Variants in PVT1 observed in about 807,000 individuals in gnomAD.
The protein encoded by PVT1 is CXCR4/PVT1 fusion.
At position 127,817,530 on chromosome 8, in the gene PVT1, T is replaced by TAGATATATCTATTTAA. The variant is rs1563613254; in HGVS notation, n.372+21460_372+21461insGATATATCTATTTAAA. Among the ~76,000 whole-genome samples the TAGATATATCTATTTAA allele has an allele frequency of 6.5e-3, 97 of 14,920 alleles. 3 individuals are homozygous for TAGATATATCTATTTAA. Among genetic ancestry groups the TAGATATATCTATTTAA allele is most frequent in the Middle Eastern group, 0.1 (1 of 10 alleles). 9.8% of individuals were successfully genotyped at this position (14,920 alleles called of 152,430 possible). On this transcript the variant is annotated intron_variant and non_coding_transcript_variant, in intron 2 of 10. Coordinates refer to ENST00000651587, the Ensembl canonical transcript of PVT1. Reference sequence around the variant, plus strand: ...ATTTAAATAGATATATCTATTTAAATATATATATATATATATACACACACA... The same window carrying TAGATATATCTATTTAA: ...ATTTAAATAGATATATCTATTTAAATAGATATATCTATTTAAATATATATATATATATACACACACA...
intron 2 of PVT1, among the ~76,000 whole-genome samples, chr8:127,886,795 G>A (rs146672688): frequency 5.9e-5 from 9 of 152,122 alleles, no homozygotes; most frequent in East Asian, 5.8e-4. Context: ...TCATGGGGAC[G>A]GTCCCCATAA....
chr8:127,952,004 C>T (rs756979036), intron 3 of PVT1, among the ~76,000 whole-genome samples: 4 of 151,954 alleles, frequency 2.6e-5, no homozygotes, highest in African/African-American at 7.3e-5. Flanking sequence ...TTAGTAGAGA[C>T]GAGGTTTTAC....
chr8:128,031,690 A>G (rs916607663), intron 4 of PVT1, among the ~76,000 whole-genome samples: 3 of 152,100 alleles, frequency 2.0e-5, no homozygotes, highest in Non-Finnish European at 4.4e-5. Context: ...CATTTCATAT[A>G]TGCCAAACAC....
intron 5 of PVT1, among the ~76,000 whole-genome samples, chr8:128,079,343 GA>G (rs934849981): frequency 5.1e-4 from 77 of 152,234 alleles, no homozygotes; most frequent in African/African-American, 1.7e-3. Flanking sequence ...CAAAAATATT[GA>G]GTCAAAAGTA....
intron 2 of PVT1, among the ~76,000 whole-genome samples, chr8:127,883,109 C>T (rs542212733): frequency 2.0e-5 from 3 of 150,432 alleles, no homozygotes; most frequent in East Asian, 2.0e-4. Context: ...GTCCAGAAGG[C>T]TCAGAGACAG....
chr8:127,936,368 A>G (rs1289895177), intron 3 of PVT1, among the ~76,000 whole-genome samples: 1 of 152,114 alleles, frequency 6.6e-6, no homozygotes, highest in African/African-American at 2.4e-5. Flanking sequence ...GTCTTCTCTA[A>G]GCAGAACTGT....
chr8:127,960,288 C>T lies in PVT1; in HGVS notation n.783-28874C>T, dbSNP rs1416366273. On this transcript the variant is annotated intron_variant and non_coding_transcript_variant, in intron 3 of 10. Coordinates refer to ENST00000651587, the Ensembl canonical transcript of PVT1. Reference sequence around the variant, plus strand: ...ATGGGTTGATTTGTCCCAGGTCACACAGCTTGAGGGTGGCAGAAGCCAGAT... The same window carrying T: ...ATGGGTTGATTTGTCCCAGGTCACATAGCTTGAGGGTGGCAGAAGCCAGAT... Among the ~76,000 whole-genome samples, 6 of 152,216 alleles carry T rather than the reference C, an allele frequency of 3.9e-5. No individual in the cohort carries two copies. In the South Asian group the frequency reaches 6.2e-4, roughly 16 times the overall value.
intron 3 of PVT1, among the ~76,000 whole-genome samples, chr8:127,981,144 T>C (rs1816878865): frequency 6.6e-6 from 1 of 152,154 alleles, no homozygotes; most frequent in African/African-American, 2.4e-5. Flanking sequence ...TGTGTGTGTG[T>C]TTGTAAATGA....
chr8:127,884,071 A>G (rs1424845788), intron 2 of PVT1, among the ~76,000 whole-genome samples: 1 of 152,250 alleles, frequency 6.6e-6, no homozygotes, highest in Non-Finnish European at 1.5e-5. Context: ...AGCTTGACGA[A>G]TGTTCTCAAA....
intron 4 of PVT1, among the ~76,000 whole-genome samples, chr8:127,991,294 C>G (rs1381486358): frequency 3.3e-5 from 5 of 152,008 alleles, no homozygotes; most frequent in Non-Finnish European, 4.4e-5. Flanking sequence ...AGGTGCCCAC[C>G]ACCACGCCTG....
At chr8:127,885,846 C>T (rs147472703) in intron 2 of PVT1, among the ~76,000 whole-genome samples, 1 of 152,210 alleles carries the variant, frequency 6.6e-6, no homozygotes, top group African/African-American at 2.4e-5. Context: ...ACTGTACTTC[C>T]TTCTTCTTTT....
intron 3 of PVT1, chr8:127,960,507 T>G: frequency 6.2e-6 from 2 of 320,714 alleles, no homozygotes; most frequent in Non-Finnish European, 1.3e-5. Flanking sequence ...TTGAGGTGGG[T>G]TCTGCAGATA....
intron 2 of PVT1, among the ~76,000 whole-genome samples, chr8:127,831,141 C>CTA (rs1443830993): frequency 7.2e-5 from 10 of 139,478 alleles, no homozygotes; most frequent in Non-Finnish European, 1.1e-4. Flanking sequence ...CTATATCTAT[C>CTA]TCTCTCTCTC....
intron 3 of PVT1, among the ~76,000 whole-genome samples, chr8:127,953,974 G>A (rs73707146): frequency 0.017 from 2,617 of 152,248 alleles, 78 homozygotes; most frequent in African/African-American, 0.058. Context: ...TGGAGAAAAC[G>A]TGCACAAAAC....
chr8:127,842,904 C>T (rs1005838353), intron 2 of PVT1, among the ~76,000 whole-genome samples: 2 of 152,076 alleles, frequency 1.3e-5, no homozygotes, highest in African/African-American at 4.8e-5. Context: ...TCCTAGAGTT[C>T]GTATAGTAGA....
intron 3 of PVT1, among the ~76,000 whole-genome samples, chr8:127,911,264 T>C (rs1409617763): frequency 2.0e-5 from 3 of 152,222 alleles, no homozygotes; most frequent in Non-Finnish European, 4.4e-5. Context: ...TCCTTTGTTC[T>C]GGCCATAGTT....
chr8:127,967,535 A>G (rs1816716799), intron 3 of PVT1, among the ~76,000 whole-genome samples: 1 of 152,236 alleles, frequency 6.6e-6, no homozygotes, highest in South Asian at 2.1e-4. Context: ...CGAGGTCAGT[A>G]AATGCTTCTG....
intron 2 of PVT1, among the ~76,000 whole-genome samples, chr8:127,867,794 G>A (rs968370541): frequency 6.6e-6 from 1 of 152,162 alleles, no homozygotes; most frequent in Non-Finnish European, 1.5e-5. Flanking sequence ...CCTTTATGGA[G>A]CATCTCCGGA....
At chr8:127,961,572 C>G (rs56167159) in intron 3 of PVT1, among the ~76,000 whole-genome samples, 5,192 of 152,256 alleles carry the variant, frequency 0.034, 137 homozygotes, top group African/African-American at 0.068. Flanking sequence ...GTGCCCAAGA[C>G]TGCATGAGCA....
Sources: allele counts gnomAD v4.1 joint callset (sites outside exome capture counted in the v4.1 genomes callset), GRCh38; gene constraint gnomAD v4.1.1; transcripts MANE v1.5; gene names NCBI Gene and HGNC (gene_info 2026-07-23, HGNC 2026-07-21).